ADAMTS16: variants seen among roughly 807,000 people sequenced by gnomAD.
ADAMTS16 encodes A disintegrin and metalloproteinase with thrombospondin motifs 16.
Under a neutral mutation model 145.8 loss-of-function variants are expected in ADAMTS16, and 94 were observed. The observed-to-expected ratio is 0.64, with a 90% CI of 0.55 to 0.77. The LOEUF (loss-of-function observed/expected upper bound fraction) is 0.77, where lower values mean the gene tolerates loss of function less well. Among genes scored for constraint, ADAMTS16 ranks in the 30% least tolerant of loss-of-function variants. The pLI, the probability that ADAMTS16 is intolerant of heterozygous loss-of-function variation, is 0.00. For missense variants in ADAMTS16, 1,585 were observed against 1,591.5 expected (o/e 1.00, Z 0.07); for synonymous variants, 659 against 604.3 (o/e 1.09, Z -1.33).
intron 3 of ADAMTS16, among the ~76,000 whole-genome samples, chr5:5,154,141 G>C (rs922541): frequency 0.26 from 40,208 of 152,086 alleles, 5,795 homozygotes; most frequent in Admixed American, 0.43. Context: ...AATAGGAATA[G>C]AGAGGAAGAA....
intron 18 of ADAMTS16, among the ~76,000 whole-genome samples, chr5:5,290,421 G>A (rs898440221): frequency 2.0e-5 from 3 of 152,160 alleles, no homozygotes; most frequent in East Asian, 1.9e-4. Flanking sequence ...TTGGGAGGCC[G>A]AGATGGGTGG....
At chr5:5,294,526 A>G (rs567841866) in intron 18 of ADAMTS16, among the ~76,000 whole-genome samples, 1 of 152,216 alleles carries the variant, frequency 6.6e-6, no homozygotes, top group South Asian at 2.1e-4. Flanking sequence ...TTCCACCCCC[A>G]TTACAGGGGT....
At chr5:5,306,779 G>C in intron 21 of ADAMTS16, 51 bp downstream of exon 21, 1 of 1,495,872 alleles carries the variant, frequency 6.7e-7, no homozygotes, top group Non-Finnish European at 9.0e-7. Context: ...GCTTGGCCTG[G>C]GGTTGGCCGC....
intron 18 of ADAMTS16, among the ~76,000 whole-genome samples, chr5:5,282,329 GA>G (rs1483919187): frequency 6.6e-6 from 1 of 152,086 alleles, no homozygotes; most frequent in Non-Finnish European, 1.5e-5. Flanking sequence ...CAAACATTTT[GA>G]TTACTTTGAA....
chr5:5,177,135 A>C (rs1256094167), intron 3 of ADAMTS16, among the ~76,000 whole-genome samples: 1 of 152,180 alleles, frequency 6.6e-6, no homozygotes, highest in Non-Finnish European at 1.5e-5. Context: ...TCACTGCAGG[A>C]GGAACTGGGG....
At chr5:5,250,705 C>CTGTGTGTGTGTGTGTG (rs1342870465) in intron 17 of ADAMTS16, among the ~76,000 whole-genome samples, 3 of 4,042 alleles carry the variant, frequency 7.4e-4, no homozygotes, top group African/African-American at 1.2e-3. Context: ...TCTGTCTCTT[C>CTGTGTGTGTGTGTGTG]TCTCTGTGTG....
chr5:5,156,096 G>A (rs143908726), intron 3 of ADAMTS16, among the ~76,000 whole-genome samples: 10 of 152,304 alleles, frequency 6.6e-5, no homozygotes, highest in Non-Finnish European at 1.3e-4. Context: ...TAGACTGTCC[G>A]CATTGTGTGG....
intron 17 of ADAMTS16, among the ~76,000 whole-genome samples, chr5:5,252,091 C>T (rs933686832): frequency 4.6e-5 from 7 of 152,258 alleles, no homozygotes; most frequent in African/African-American, 1.4e-4. Flanking sequence ...CTTCGTGATC[C>T]GCCCGCCTCG....
intron 11 of ADAMTS16, among the ~76,000 whole-genome samples, chr5:5,232,071 C>G (rs571168904): frequency 9.9e-5 from 15 of 152,240 alleles, no homozygotes; most frequent in African/African-American, 2.9e-4. Flanking sequence ...ACTAAGTATT[C>G]AGATAACACT....
chr5:5,230,230 C>T (rs150617328), intron 11 of ADAMTS16, among the ~76,000 whole-genome samples: 6 of 152,144 alleles, frequency 3.9e-5, no homozygotes, highest in Admixed American at 6.5e-5. Context: ...AAAAACAGAA[C>T]GTCAAGGGAG....
At chr5:5,164,764 C>T (rs1275434335) in intron 3 of ADAMTS16, among the ~76,000 whole-genome samples, 11 of 152,310 alleles carry the variant, frequency 7.2e-5, no homozygotes, top group Admixed American at 6.5e-4. Flanking sequence ...GCAAGCTCCA[C>T]CTCCCAGGTT....
intron 11 of ADAMTS16, among the ~76,000 whole-genome samples, chr5:5,230,670 A>G (rs1480838979): frequency 6.6e-6 from 1 of 152,230 alleles, no homozygotes; most frequent in Non-Finnish European, 1.5e-5. Flanking sequence ...TACAAAAACA[A>G]AACAGTGAAA....
intron 4 of ADAMTS16, among the ~76,000 whole-genome samples, chr5:5,185,508 T>C (rs1399595922): frequency 6.6e-6 from 1 of 152,258 alleles, no homozygotes; most frequent in East Asian, 1.9e-4. Flanking sequence ...TTCTAGGAAA[T>C]TAAGCTCTTC....
chr5:5,173,028 A>C (rs1735087457), intron 3 of ADAMTS16, among the ~76,000 whole-genome samples: 1 of 152,076 alleles, frequency 6.6e-6, no homozygotes, highest in South Asian at 2.1e-4. Context: ...TGTCTCGTGT[A>C]AGTTTAGGAC....
rs934450365 is a variant in ADAMTS16 at position 5,286,873 on chromosome 5, A to C, written c.2790-16395A>C. On this transcript the variant is annotated intron_variant, in intron 18 of 22. Transcript: ENST00000274181. ...ACTCCGTCTCAAAAAAAAAAAAAAA[A>C]AAAAAAAAAAGAGTTTTTATAACCC... 2.3e-4 allele frequency among the ~76,000 whole-genome samples: 35 copies of C among 150,680 alleles called. 1 individual carries two copies. The highest frequency in any genetic ancestry group is 4.7e-4 in the Non-Finnish European group (32 of 67,712).
intron 3 of ADAMTS16, among the ~76,000 whole-genome samples, chr5:5,174,809 C>G (rs899818706): frequency 2.0e-5 from 3 of 152,194 alleles, no homozygotes; most frequent in Admixed American, 1.3e-4. Context: ...TTATTTCAAT[C>G]TCTTTGTTAA....
intron 17 of ADAMTS16, among the ~76,000 whole-genome samples, chr5:5,244,831 C>A (rs1293143395): frequency 6.6e-6 from 1 of 152,196 alleles, no homozygotes; most frequent in Non-Finnish European, 1.5e-5. Context: ...AGGAGACGAC[C>A]TTACACGTAG....
intron 2 of ADAMTS16, among the ~76,000 whole-genome samples, chr5:5,145,743 C>G (rs573174571): frequency 6.6e-6 from 1 of 152,272 alleles, no homozygotes; most frequent in East Asian, 1.9e-4. Context: ...AATGTGCTAA[C>G]CTTCCACTGT....
intron 10 of ADAMTS16, among the ~76,000 whole-genome samples, chr5:5,210,509 T>C (rs1736246464): frequency 6.6e-6 from 1 of 152,214 alleles, no homozygotes; most frequent in Non-Finnish European, 1.5e-5. Context: ...CACGTTTTAT[T>C]TGCATAAGCC....
Sources: allele counts gnomAD v4.1 joint callset (sites outside exome capture counted in the v4.1 genomes callset), GRCh38; gene constraint gnomAD v4.1.1; transcripts MANE v1.5; gene names NCBI Gene and HGNC (gene_info 2026-07-23, HGNC 2026-07-21).